CNTNAP5: variants seen among roughly 807,000 people sequenced by gnomAD.
CNTNAP5 encodes contactin associated protein family member 5.
CNTNAP5 carries 72 observed loss-of-function variants against 150.2 expected under a neutral mutation model. The ratio of observed to expected loss-of-function variants is 0.48; its 90% confidence interval spans 0.40 to 0.58. CNTNAP5 has a LOEUF of 0.58. Ranked by LOEUF, CNTNAP5 falls within the 20% of genes least tolerant of loss-of-function variation. The probability of loss-of-function intolerance (pLI) is 0.00; values close to 1 mark genes in which losing one functional copy is unlikely to be tolerated. For missense variants in CNTNAP5, 1,636 were observed against 1,626.2 expected (o/e 1.01, Z -0.10); for synonymous variants, 672 against 619.8 (o/e 1.08, Z -1.25).
chr2:124,712,485 G>A lies in CNTNAP5; in HGVS notation c.2078-34744G>A, dbSNP rs1679827291. Among the ~76,000 whole-genome samples the A allele has an allele frequency of 5.3e-5, 8 of 152,188 alleles. 1 individual carries two copies. The highest frequency in any genetic ancestry group is 3.9e-4 in the Admixed American group (6 of 15,274). Reference sequence around the variant, plus strand: ...TGCCCACTGATGTTCTACCTAACATGGGTTTTATTAGCATGACAGAAGTAT... The same window carrying A: ...TGCCCACTGATGTTCTACCTAACATAGGTTTTATTAGCATGACAGAAGTAT... On this transcript the variant is annotated intron_variant, in intron 13 of 23. Coordinates refer to ENST00000682447, the MANE Select transcript of CNTNAP5 (RefSeq NM_001367498.1).
chr2:124,739,961 A>G (rs1680464062), intron 13 of CNTNAP5, among the ~76,000 whole-genome samples: 1 of 152,092 alleles, frequency 6.6e-6, no homozygotes, highest in African/African-American at 2.4e-5. Flanking sequence ...TAGGGTAGCA[A>G]AAGTTCATTA....
intron 11 of CNTNAP5, among the ~76,000 whole-genome samples, chr2:124,581,449 C>T (rs1696410240): frequency 6.6e-6 from 1 of 152,142 alleles, no homozygotes; most frequent in African/African-American, 2.4e-5. Context: ...GATTCTTCTA[C>T]TAAGAAATCA....
At chr2:124,283,798 G>C (rs1394341455) in intron 3 of CNTNAP5, among the ~76,000 whole-genome samples, 1 of 152,176 alleles carries the variant, frequency 6.6e-6, no homozygotes, top group African/African-American at 2.4e-5. Context: ...CTGTTTCATA[G>C]ATGGCACCTC....
chr2:124,108,184 AT>A (rs1683209878), intron 1 of CNTNAP5, among the ~76,000 whole-genome samples: 1 of 152,144 alleles, frequency 6.6e-6, no homozygotes, highest in Admixed American at 6.5e-5. Context: ...TAGGGTAAAA[AT>A]CTTGAGGCCC....
intron 11 of CNTNAP5, among the ~76,000 whole-genome samples, chr2:124,576,710 T>C (rs979207263): frequency 6.6e-6 from 1 of 152,212 alleles, no homozygotes; most frequent in Non-Finnish European, 1.5e-5. Flanking sequence ...CAATTACTAA[T>C]TGAGTGACCT....
chr2:124,403,276 C>T (rs752771075), intron 3 of CNTNAP5, among the ~76,000 whole-genome samples: 15 of 152,180 alleles, frequency 9.9e-5, no homozygotes, highest in East Asian at 3.9e-4. Context: ...TATTGGAACC[C>T]GCCTTTCTTT....
chr2:124,342,427 C>T (rs1689640807), intron 3 of CNTNAP5, among the ~76,000 whole-genome samples: 1 of 152,164 alleles, frequency 6.6e-6, no homozygotes, highest in Non-Finnish European at 1.5e-5. Context: ...AGCATGGCAG[C>T]CCCGTGAACC....
At chr2:124,905,229 A>G (rs1382468209) in intron 22 of CNTNAP5, among the ~76,000 whole-genome samples, 3 of 151,322 alleles carry the variant, frequency 2.0e-5, no homozygotes, top group African/African-American at 7.3e-5. Flanking sequence ...AACCACAATG[A>G]GATGTCACCT....
At position 124,895,917 on chromosome 2, in the gene CNTNAP5, T is replaced by C. The variant is rs1179495539; in HGVS notation, c.3437-6965T>C. Among the ~76,000 whole-genome samples the C allele has an allele frequency of 1.3e-5, 2 of 151,504 alleles. 1 individual carries two copies. Among genetic ancestry groups the C allele is most frequent in the African/African-American group, 4.9e-5 (2 of 40,876 alleles). ...AAAAAAGGAGCCTGTCATACAATGC[T>C]TGGGGGAAGGCCAATGGGCACTGTG... On this transcript the variant is annotated intron_variant, in intron 21 of 23. Transcript: ENST00000682447.
chr2:124,321,867 C>A (rs752389883), intron 3 of CNTNAP5, among the ~76,000 whole-genome samples: 1 of 152,058 alleles, frequency 6.6e-6, no homozygotes, highest in Non-Finnish European at 1.5e-5. Flanking sequence ...ATGCTTATAT[C>A]GGCCAGGTGA....
chr2:124,748,697 G>T (rs1680658616), intron 14 of CNTNAP5, among the ~76,000 whole-genome samples: 1 of 152,160 alleles, frequency 6.6e-6, no homozygotes, highest in South Asian at 2.1e-4. Flanking sequence ...TCTCAGTTCA[G>T]CAAGGAAAGG....
intron 3 of CNTNAP5, among the ~76,000 whole-genome samples, chr2:124,347,453 C>A (rs560416780): frequency 6.6e-6 from 1 of 152,284 alleles, no homozygotes; most frequent in African/African-American, 2.4e-5. Flanking sequence ...CCCTCCTCCA[C>A]CAGGGCAGAA....
intron 13 of CNTNAP5, among the ~76,000 whole-genome samples, chr2:124,672,361 C>T (rs969697443): frequency 4.6e-5 from 7 of 152,080 alleles, no homozygotes; most frequent in Non-Finnish European, 1.0e-4. Flanking sequence ...TTTAGGAAGA[C>T]ACAGGTTAGC....
chr2:124,358,604 A>G (rs1200789703), intron 3 of CNTNAP5, among the ~76,000 whole-genome samples: 1 of 152,218 alleles, frequency 6.6e-6, no homozygotes, highest in Non-Finnish European at 1.5e-5. Flanking sequence ...GATGGATTAC[A>G]TTTACTGATT....
chr2:124,127,534 T>C (rs1558766582), intron 1 of CNTNAP5, among the ~76,000 whole-genome samples: 2 of 152,170 alleles, frequency 1.3e-5, no homozygotes, highest in Non-Finnish European at 2.9e-5. Flanking sequence ...ACTAATGAAT[T>C]TCTTCACAGA....
chr2:124,511,690 G>C (rs1317159753), intron 8 of CNTNAP5, among the ~76,000 whole-genome samples: 1 of 152,162 alleles, frequency 6.6e-6, no homozygotes, highest in Non-Finnish European at 1.5e-5. Context: ...CTCTTCTTTT[G>C]AAACTGGCAT....
rs1687838016 is a variant in CNTNAP5 at position 124,274,493 on chromosome 2, G to GT, written c.381+32100_381+32101insT. ...AACCTCCAGCTGGAAAAGACAATCAGGTTTTTTTTTCCGCTGGCCAGGGAA... is the reference window on the plus strand; with the variant it reads ...AACCTCCAGCTGGAAAAGACAATCAGTGTTTTTTTTTCCGCTGGCCAGGGAA... On this transcript the variant is annotated intron_variant, in intron 3 of 23. Coordinates refer to ENST00000682447, the MANE Select transcript of CNTNAP5 (RefSeq NM_001367498.1). 1.2e-4 allele frequency among the ~76,000 whole-genome samples: 17 copies of GT among 136,426 alleles called. No homozygotes were observed. In the Admixed American group the frequency reaches 1.3e-3, roughly 10 times the overall value. 89.5% of individuals were successfully genotyped at this position (136,426 alleles called of 152,430 possible). A position where few individuals can be genotyped will look rare whatever the true frequency, so the allele number is the denominator to read the frequency against.
rs537658013 is a variant in CNTNAP5 at position 124,659,124 on chromosome 2, C to T, written c.2077+11166C>T. 2.6e-5 allele frequency among the ~76,000 whole-genome samples: 4 copies of T among 152,282 alleles called. No individual in the cohort carries two copies. In the East Asian group the frequency reaches 5.8e-4, roughly 22 times the overall value. On this transcript the variant is annotated intron_variant, in intron 13 of 23. Coordinates refer to ENST00000682447, the MANE Select transcript of CNTNAP5 (RefSeq NM_001367498.1). ...TGAGAAAAATAACATTAATGATACCCACATCATTGGAAGAATAAAAAGTGT... is the reference window on the plus strand; with the variant it reads ...TGAGAAAAATAACATTAATGATACCTACATCATTGGAAGAATAAAAAGTGT...
At chr2:124,819,917 T>G (rs1298301832) in intron 19 of CNTNAP5, among the ~76,000 whole-genome samples, 3 of 152,202 alleles carry the variant, frequency 2.0e-5, no homozygotes, top group Non-Finnish European at 4.4e-5. Context: ...TTTCTCCATG[T>G]AGGCTCTGCC....
Sources: allele counts gnomAD v4.1 joint callset (sites outside exome capture counted in the v4.1 genomes callset), GRCh38; gene constraint gnomAD v4.1.1; transcripts MANE v1.5; gene names NCBI Gene and HGNC (gene_info 2026-07-23, HGNC 2026-07-21).